Variants in PHF21B observed in about 807,000 individuals in gnomAD.
PHF21B encodes the protein PHD finger protein 4.
In PHF21B, 22 loss-of-function variants were observed where a neutral mutation model predicts 62.2. That is an observed-to-expected ratio of 0.35 (90% CI 0.25 to 0.51). The LOEUF is 0.51. PHF21B is among the 20% of genes least tolerant of loss of function. PHF21B has a pLI of 0.97. For missense variants in PHF21B, 701 were observed against 707.9 expected (o/e 0.99, Z 0.11); for synonymous variants, 341 against 314.7 (o/e 1.08, Z -0.88).
At chr22:45,005,787 G>T (rs149042132) in intron 2 of PHF21B, among the ~76,000 whole-genome samples, 6 of 152,064 alleles carry the variant, frequency 3.9e-5, no homozygotes, top group Admixed American at 2.0e-4. Flanking sequence ...TGGAGGTGGA[G>T]ATGGTATAAG....
chr22:45,005,440 C>G (rs2073297557), intron 2 of PHF21B, among the ~76,000 whole-genome samples: 1 of 152,164 alleles, frequency 6.6e-6, no homozygotes, highest in African/African-American at 2.4e-5. Context: ...TGTTAATTCC[C>G]TAGTCTCCGA....
At chr22:45,007,359 TCCCCTACGCCAGAAAATC>T (rs2073335987) in intron 2 of PHF21B, among the ~76,000 whole-genome samples, 3 of 149,712 alleles carry the variant, frequency 2.0e-5, no homozygotes, top group Admixed American at 2.0e-4. Flanking sequence ...TCCACGTCTC[TCCCCTACGCCAGAAAATC>T]CCCCGGGGGA....
chr22:44,885,683 A>G (rs2070844892), intron 11 of PHF21B, among the ~76,000 whole-genome samples, 154 bp from the exon 12 acceptor site: 4 of 151,208 alleles, frequency 2.6e-5, no homozygotes, highest in Middle Eastern at 3.4e-3. Flanking sequence ...ACCTGGAGCC[A>G]CTCTCCCCTG....
At chr22:44,972,291 G>A (rs1204186353) in intron 2 of PHF21B, among the ~76,000 whole-genome samples, 2 of 152,226 alleles carry the variant, frequency 1.3e-5, no homozygotes, top group Non-Finnish European at 2.9e-5. Context: ...TAAGGAGGAC[G>A]TTTCTTTTTT....
intron 4 of PHF21B, among the ~76,000 whole-genome samples, chr22:44,915,103 T>C (rs2071410378): frequency 6.6e-6 from 1 of 152,244 alleles, no homozygotes; most frequent in South Asian, 2.1e-4. Flanking sequence ...GTCCCATTTT[T>C]CTGCTGGCTT....
intron 2 of PHF21B, among the ~76,000 whole-genome samples, chr22:44,958,027 C>T (rs1031894362): frequency 3.3e-5 from 5 of 152,038 alleles, no homozygotes; most frequent in Admixed American, 2.6e-4. Context: ...CTCTGCCTCC[C>T]GAGTAGCTAG....
intron 12 of PHF21B, among the ~76,000 whole-genome samples, chr22:44,884,336 C>G (rs1314714844): frequency 1.9e-5 from 2 of 105,538 alleles, no homozygotes; most frequent in Non-Finnish European, 3.8e-5. Flanking sequence ...TCACCACCAT[C>G]ATTAGCACCA....
chr22:44,914,936 C>T (rs1022600202), intron 4 of PHF21B, among the ~76,000 whole-genome samples: 1 of 152,188 alleles, frequency 6.6e-6, no homozygotes, highest in South Asian at 2.1e-4. Flanking sequence ...TTAGTTTTCA[C>T]GGCTCCAAGA....
chr22:45,003,007 A>G (rs1231594145), intron 2 of PHF21B: 1 of 152,276 alleles, frequency 6.6e-6, no homozygotes, highest in Non-Finnish European at 1.5e-5. Flanking sequence ...CAGGCCAGCA[A>G]TGATGCAGGT....
intron 2 of PHF21B, among the ~76,000 whole-genome samples, chr22:44,956,965 G>A (rs1013508191): frequency 2.6e-5 from 4 of 152,210 alleles, no homozygotes; most frequent in African/African-American, 9.7e-5. Context: ...AGGGAAAGAG[G>A]AGGCAGCCGT....
chr22:44,979,490 TG>T lies in PHF21B; in HGVS notation c.120+29054del, dbSNP rs541187298. Among the ~76,000 whole-genome samples the T allele has an allele frequency of 5.8e-3, 885 of 152,322 alleles. 8 individuals carry two copies. The highest frequency in any genetic ancestry group is 9.8e-3 in the Non-Finnish European group (666 of 68,004). ...GACCCTGACCCCTTCCTGCAGCCCC[TG>T]GAGGGCAGCCAGTGGCAGAAAGGAA... is the stretch of plus-strand genomic sequence containing the variant. On this transcript the variant is annotated intron_variant, in intron 2 of 12. Transcript: ENST00000313237.
At chr22:44,961,957 G>T (rs1436120411) in intron 2 of PHF21B, among the ~76,000 whole-genome samples, 1 of 151,712 alleles carries the variant, frequency 6.6e-6, no homozygotes, top group Non-Finnish European at 1.5e-5. Flanking sequence ...TTTTTTTATG[G>T]CTGTGTAGTA....
intron 2 of PHF21B, among the ~76,000 whole-genome samples, chr22:44,987,909 C>T (rs1235771138): frequency 2.6e-5 from 4 of 152,212 alleles, no homozygotes; most frequent in African/African-American, 7.2e-5. Context: ...CAGGAACTGA[C>T]GGATCCCAAA....
At chr22:44,921,972 T>C (rs2071546355) in intron 2 of PHF21B, among the ~76,000 whole-genome samples, 1 of 152,158 alleles carries the variant, frequency 6.6e-6, no homozygotes, top group Non-Finnish European at 1.5e-5. Flanking sequence ...ATGGAGCAGT[T>C]CTACATGGCT....
chr22:45,000,522 A>G (rs2073196479), intron 2 of PHF21B: 1 of 152,216 alleles, frequency 6.6e-6, no homozygotes. Flanking sequence ...GCTAATCATC[A>G]TAGCCAGCAG....
At chr22:44,971,987 G>T (rs749304551) in intron 2 of PHF21B, among the ~76,000 whole-genome samples, 3 of 152,246 alleles carry the variant, frequency 2.0e-5, no homozygotes, top group Non-Finnish European at 4.4e-5. Flanking sequence ...CAGTTGGGGG[G>T]AGAGATGAGG....
intron 12 of PHF21B, among the ~76,000 whole-genome samples, chr22:44,884,090 C>G (rs2070791851): frequency 7.4e-6 from 1 of 134,342 alleles, no homozygotes; most frequent in African/African-American, 3.1e-5. Flanking sequence ...TCACCACCGC[C>G]ACCACCATCA....
chr22:44,969,002 CACT>C (rs1309450671), intron 2 of PHF21B: 7 of 152,232 alleles, frequency 4.6e-5, no homozygotes, highest in African/African-American at 1.7e-4. Context: ...TACCTTCAGG[CACT>C]ACAAGACGCT....
Position 45,009,463 on chromosome 22 carries a change from C to T in PHF21B, c.54+33G>A. On this transcript the variant is annotated intron_variant, in intron 1 of 12. Transcript: ENST00000313237. The surrounding 1 kb of genome is among the most constrained non-coding windows in gnomAD (Gnocchi z 5.9). ...CGACCCCCTCACCCCGCAACACACT[C>T]CCCGGCCCCGGGCCCGGCCCCCGGC... 6.6e-7 allele frequency: 1 copy of T among 1,522,888 alleles called. No individual in the cohort carries two copies. The highest frequency in any genetic ancestry group is 8.8e-7 in the Non-Finnish European group (1 of 1,140,886). 94.3% of individuals were successfully genotyped at this position (1,522,888 alleles called of 1,614,324 possible). A position where few individuals can be genotyped will look rare whatever the true frequency, so the allele number is the denominator to read the frequency against.
Sources: gnomAD v4.1 joint callset for allele counts (sites outside exome capture counted in the v4.1 genomes callset) on GRCh38, gnomAD v4.1.1 for gene constraint, Gnocchi (gnomAD v3.1) non-coding constraint, MANE v1.5 for transcripts, NCBI Gene and HGNC (gene_info 2026-07-23, HGNC 2026-07-21) for gene names.